The following MAP3K4 variants were observed in gnomAD, a reference collection of about 807,000 sequenced individuals.
The protein encoded by MAP3K4 is mitogen-activated protein kinase kinase kinase 4.
A neutral mutation model predicts 185.6 loss-of-function variants in MAP3K4; 67 were observed. The ratio of observed to expected loss-of-function variants is 0.36; its 90% CI spans 0.30 to 0.44. The LOEUF is 0.44. Among genes scored for constraint, MAP3K4 ranks in the 20% least tolerant of loss-of-function variants. MAP3K4 has a pLI of 1.00. For synonymous variants in MAP3K4, 702 were observed against 710.4 expected, an observed-to-expected ratio of 0.99 and a Z score of 0.19; for missense variants, 1,551 against 1,995.1, an observed-to-expected ratio of 0.78 and a Z score of 4.24.
Position 161,112,042 on chromosome 6 carries a change from CAGT to C in MAP3K4, c.4519+87_4519+89del. On this transcript the variant is annotated intron_variant, in intron 24 of 26. Transcript: ENST00000392142. The surrounding 1 kb of genome is among the most constrained non-coding windows in gnomAD (Gnocchi z 5.1). ...GCATGTTCCCTTCACCTTTGTTTGT[CAGT>C]AGAGATGGGAGAGCAGGTAAAGGTT... 1 of 1,545,972 alleles carries C rather than the reference CAGT, an allele frequency of 6.5e-7. No homozygotes were observed. The highest frequency in any genetic ancestry group is 1.4e-5 in the African/African-American group (1 of 73,340).
At chr6:161,039,756 G>A (rs2114735335) in intron 2 of MAP3K4, among the ~76,000 whole-genome samples, 1 of 152,280 alleles carries the variant, frequency 6.6e-6, no homozygotes, top group East Asian at 1.9e-4. Flanking sequence ...CATAAATACA[G>A]CATTATGGAA....
chr6:161,093,544 GT>G lies in MAP3K4; in HGVS notation c.3349-227del, dbSNP rs1168094765. Among the ~76,000 whole-genome samples, 1 of 152,116 alleles carries G rather than the reference GT, an allele frequency of 6.6e-6. No individual in the cohort carries two copies. Among genetic ancestry groups the G allele is most frequent in the Non-Finnish European group, 1.5e-5 (1 of 68,014 alleles). On this transcript the variant is annotated intron_variant, in intron 14 of 26. Transcript: ENST00000392142. This position sits in a 1 kb window ranked among gnomAD's most constrained non-coding sequence, Gnocchi z 5.2. ...GTTCTTTGCTTGTACACGTTATTGT[GT>G]TATGGGAAATTGACAGCTAATTTGC...
chr6:161,001,161 TA>T (rs1207534289), intron 1 of MAP3K4, among the ~76,000 whole-genome samples: 2 of 148,188 alleles, frequency 1.3e-5, no homozygotes, highest in Non-Finnish European at 1.5e-5. Context: ...TGTATATACA[TA>T]TATATGTGTA....
intron 23 of MAP3K4, among the ~76,000 whole-genome samples, chr6:161,111,130 G>A (rs1378568155): frequency 5.9e-5 from 9 of 152,152 alleles, no homozygotes; most frequent in Admixed American, 3.3e-4. Context: ...ATGAGGATTC[G>A]CTGTTGACCT....
rs987775937 is a variant in MAP3K4 at position 161,043,239 on chromosome 6, C to G, written c.344-5377C>G. On this transcript the variant is annotated intron_variant, in intron 2 of 26. Coordinates refer to ENST00000392142, the MANE Select transcript of MAP3K4 (RefSeq NM_005922.4). This position sits in a 1 kb window ranked among gnomAD's most constrained non-coding sequence, Gnocchi z 4.3. ...GTTTGTGTTTCCAGGCTTCCATATA[C>G]AGGCTCAGTGTTCAGCCACACTCTT... Among the ~76,000 whole-genome samples the G allele has an allele frequency of 6.6e-6, 1 of 152,116 alleles. No homozygotes were observed. Among genetic ancestry groups the G allele is most frequent in the African/African-American group, 2.4e-5 (1 of 41,416 alleles).
intron 2 of MAP3K4, among the ~76,000 whole-genome samples, chr6:161,046,028 T>G (rs1289190249): frequency 6.6e-6 from 1 of 152,180 alleles, no homozygotes; most frequent in Non-Finnish European, 1.5e-5. Flanking sequence ...TGGATTTCTC[T>G]CCTAAGCCCA....
chr6:161,010,017 TAAA>T (rs944731667), intron 1 of MAP3K4, among the ~76,000 whole-genome samples: 1 of 152,002 alleles, frequency 6.6e-6, no homozygotes, highest in African/African-American at 2.4e-5. Flanking sequence ...CCCTGGGACT[TAAA>T]AAAAATAAAA....
rs1785489158 is a variant in MAP3K4 at position 161,082,135 on chromosome 6, T to C, written c.2255+1097T>C. Among the ~76,000 whole-genome samples the C allele has an allele frequency of 6.6e-6, 1 of 151,972 alleles. No homozygotes were observed. Among genetic ancestry groups the C allele is most frequent in the South Asian group, 2.1e-4 (1 of 4,810 alleles). The stretch of plus-strand genomic sequence containing the variant: ...TATTTGGAGTGGACAGTGAACTTGC[T>C]CTCCTCTCATAACTCCATCCGTCAG... On this transcript the variant is annotated intron_variant, in intron 6 of 26. Transcript: ENST00000392142. This position sits in a 1 kb window ranked among gnomAD's most constrained non-coding sequence, Gnocchi z 4.2.
intron 3 of MAP3K4, among the ~76,000 whole-genome samples, chr6:161,058,441 A>G (rs1447420855): frequency 6.6e-6 from 1 of 152,190 alleles, no homozygotes. Context: ...AGTTTGTGAT[A>G]GGATCCCAGT....
chr6:161,109,057 T>A lies in MAP3K4; in HGVS notation c.4236+198T>A. 5 of 1,482,632 alleles carry A rather than the reference T, an allele frequency of 3.4e-6. No individual in the cohort carries two copies. Among genetic ancestry groups the A allele is most frequent in the Non-Finnish European group, 4.6e-6 (5 of 1,098,638 alleles). The allele number at this position is 1,482,632 out of a possible 1,614,324, so 91.8% of individuals were successfully genotyped here. On this transcript the variant is annotated intron_variant, in intron 22 of 26. Transcript: ENST00000392142. This position sits in a 1 kb window ranked among gnomAD's most constrained non-coding sequence, Gnocchi z 5.7. ...CTCCTAAAATGTAAGTTGTAGACTG[T>A]AGTCATTAACCCGACATCATAAAGC... is the stretch of plus-strand genomic sequence containing the variant.
At position 161,117,001 on chromosome 6, in the gene MAP3K4, C is replaced by G. The variant is rs753549369; in HGVS notation, c.*131C>G. 5.0e-6 allele frequency: 4 copies of G among 796,170 alleles called. No homozygotes were observed. Among genetic ancestry groups the G allele is most frequent in the African/African-American group, 1.7e-5 (1 of 57,924 alleles). The allele number at this position is 796,170 out of a possible 1,614,324, so 49.3% of individuals were successfully genotyped here. A position where few individuals can be genotyped will look rare whatever the true frequency, so the allele number is the denominator to read the frequency against. ...GACTGAAGACTGCACAGGTGACAAG[C>G]GTCACTTCTCCTGCTGCTCCTGTTT... On this transcript the variant is annotated 3_prime_UTR_variant, in exon 27 of 27. Coordinates refer to ENST00000392142, the MANE Select transcript of MAP3K4 (RefSeq NM_005922.4).
In MAP3K4 at chr6:161,064,962, G is replaced by A. The variant is rs900631163; in HGVS notation, c.1708-5646G>A. Among the ~76,000 whole-genome samples the A allele has an allele frequency of 3.3e-5, 5 of 152,150 alleles. No individual in the cohort carries two copies. Among genetic ancestry groups the A allele is most frequent in the African/African-American group, 9.7e-5 (4 of 41,440 alleles). On this transcript the variant is annotated intron_variant, in intron 3 of 26. Coordinates refer to ENST00000392142, the MANE Select transcript of MAP3K4 (RefSeq NM_005922.4). This position sits in a 1 kb window ranked among gnomAD's most constrained non-coding sequence, Gnocchi z 4.3. ...TTCCCTCAGGAAGGTTTAATTGGTG[G>A]ATTTAAAGCAAGCAGGCACAAATTC...
chr6:161,090,114 A>G (rs1785953579), intron 11 of MAP3K4, among the ~76,000 whole-genome samples: 1 of 152,264 alleles, frequency 6.6e-6, no homozygotes, highest in South Asian at 2.1e-4. Context: ...CTCTGAAGTT[A>G]CAAGTCATTT....
At chr6:161,062,310 A>T (rs554832322) in intron 3 of MAP3K4, among the ~76,000 whole-genome samples, 3 of 152,062 alleles carry the variant, frequency 2.0e-5, no homozygotes, top group African/African-American at 7.2e-5. Flanking sequence ...GTGGTGTGGT[A>T]TATCTGTATT....
In MAP3K4 at chr6:161,091,614, T is replaced by C. The variant is rs1777315684; in HGVS notation, c.3135+74T>C. ...TAACTTACAGAAAGTTTTTGGAACC[T>C]TTTACAGTAAATCTGATATTGTAAT... On this transcript the variant is annotated intron_variant, in intron 12 of 26. Transcript: ENST00000392142. This position sits in a 1 kb window ranked among gnomAD's most constrained non-coding sequence, Gnocchi z 5.5. The C allele has an allele frequency of 6.2e-6, 8 of 1,297,960 alleles. No homozygotes were observed. The South Asian group carries it at 1.1e-4, about 18-fold the overall frequency. The allele number at this position is 1,297,960 out of a possible 1,614,324, so 80.4% of individuals were successfully genotyped here.
chr6:161,093,664 T>G lies in MAP3K4; in HGVS notation c.3349-109T>G. The G allele has an allele frequency of 1.6e-6, 1 of 632,440 alleles. No homozygotes were observed. Among genetic ancestry groups the G allele is most frequent in the East Asian group, 2.9e-5 (1 of 34,900 alleles). 39.2% of individuals were successfully genotyped at this position (632,440 alleles called of 1,614,324 possible). Reference sequence around the variant, plus strand: ...TCTTTTAAACTAACTGAAAATATTTTGGGTAGCATGTTTTTAAAAATATAC... The same window carrying G: ...TCTTTTAAACTAACTGAAAATATTTGGGGTAGCATGTTTTTAAAAATATAC... On this transcript the variant is annotated intron_variant, in intron 14 of 26. Transcript: ENST00000392142. This position sits in a 1 kb window ranked among gnomAD's most constrained non-coding sequence, Gnocchi z 5.2.
chr6:161,078,968 C>CT (rs1028074044), intron 5 of MAP3K4, among the ~76,000 whole-genome samples: 1 of 152,180 alleles, frequency 6.6e-6, no homozygotes, highest in African/African-American at 2.4e-5. Flanking sequence ...AATCCCAACA[C>CT]TTTGGGAGGC....
At chr6:161,015,560 G>A (rs964848623) in intron 1 of MAP3K4, among the ~76,000 whole-genome samples, 19 of 152,104 alleles carry the variant, frequency 1.2e-4, no homozygotes, top group Non-Finnish European at 2.6e-4. Flanking sequence ...ATCACGGTTC[G>A]TCAGGCTGTA....
chr6:161,018,184 G>T (rs1782203870), intron 1 of MAP3K4, among the ~76,000 whole-genome samples: 1 of 152,142 alleles, frequency 6.6e-6, no homozygotes, highest in African/African-American at 2.4e-5. Context: ...GTTTGAGGAG[G>T]CTGAGGCAGT....
Sources: gnomAD v4.1 joint callset for allele counts (sites outside exome capture counted in the v4.1 genomes callset) on GRCh38, gnomAD v4.1.1 for gene constraint, Gnocchi (gnomAD v3.1) non-coding constraint, MANE v1.5 for transcripts, NCBI Gene and HGNC (gene_info 2026-07-23, HGNC 2026-07-21) for gene names.